IFITM10: variants seen among roughly 807,000 people sequenced by gnomAD.
IFITM10 encodes the protein interferon-induced transmembrane protein 10.
IFITM10 carries 17 observed loss-of-function variants against 19.0 expected under a neutral mutation model. The observed-to-expected ratio is 0.90, with a 90% confidence interval of 0.61 to 1.34. The LOEUF (loss-of-function observed/expected upper bound fraction) is 1.34. IFITM10 is among the 40% of genes most tolerant of loss of function. The pLI, the probability that IFITM10 is intolerant of heterozygous loss-of-function variation, is 0.00. For synonymous variants in IFITM10, 148 were observed against 147.2 expected, an observed-to-expected ratio of 1.01 and a Z score of -0.04; for missense variants, 306 against 319.8, an observed-to-expected ratio of 0.96 and a Z score of 0.33.
At chr11:1,747,635 C>G in intron 2 of IFITM10, 32 bp downstream of exon 2, 1 of 1,541,676 alleles carries the variant, frequency 6.5e-7, no homozygotes, top group Non-Finnish European at 8.8e-7. Context: ...CTCTCTAGCC[C>G]GCCCTTGCCC....
At chr11:1,750,334 CCT>C in intron 1 of IFITM10, 23 bp downstream of exon 1, 5 of 1,550,496 alleles carry the variant, frequency 3.2e-6, no homozygotes, top group Non-Finnish European at 4.4e-6. Context: ...ACGCAGGTTC[CCT>C]GAGCTGGGTC....
chr11:1,749,322 G>C (rs1565016241), intron 1 of IFITM10: 2 of 154,392 alleles, frequency 1.3e-5, no homozygotes, highest in African/African-American at 4.8e-5. Flanking sequence ...CCGCGACCCT[G>C]GGGAGTTGCA....
intron 2 of IFITM10, among the ~76,000 whole-genome samples, chr11:1,741,222 A>G (rs1590896151): frequency 6.6e-6 from 1 of 152,072 alleles, no homozygotes; most frequent in African/African-American, 2.4e-5. Context: ...GAGAGGATGG[A>G]GAGCTGAGCC....
chr11:1,741,587 A>G (rs1436345870), intron 2 of IFITM10, among the ~76,000 whole-genome samples: 1 of 152,070 alleles, frequency 6.6e-6, no homozygotes, highest in Non-Finnish European at 1.5e-5. Context: ...GACTGTGAAT[A>G]TTGATGGATG....
Position 1,746,107 on chromosome 11 carries a change from C to T in IFITM10, c.537+1560G>A, listed in dbSNP as rs556737554. 7.4e-3 allele frequency: 1,138 copies of T among 153,406 alleles called. 12 individuals are homozygous for T. The highest frequency in any genetic ancestry group is 0.011 in the Non-Finnish European group (775 of 69,390). 9.5% of individuals were successfully genotyped at this position (153,406 alleles called of 1,614,324 possible). A position where few individuals can be genotyped will look rare whatever the true frequency, so the allele number is the denominator to read the frequency against. On this transcript the variant is annotated intron_variant, in intron 2 of 2. Transcript: ENST00000340134. ...CACACGTGCACACAGGTACATACAG[C>T]GCACATGCACATACCCTCACACATT...
intron 2 of IFITM10, among the ~76,000 whole-genome samples, chr11:1,743,715 A>AG (rs1460390638): frequency 6.6e-6 from 1 of 151,968 alleles, no homozygotes; most frequent in African/African-American, 2.4e-5. Context: ...GCTGTGTCCT[A>AG]GCCACACCTG....
chr11:1,741,956 G>T (rs534722726), intron 2 of IFITM10, among the ~76,000 whole-genome samples: 14 of 152,314 alleles, frequency 9.2e-5, no homozygotes, highest in African/African-American at 3.1e-4. Context: ...CCAGAAGAGG[G>T]TCCTGATCAG....
intron 2 of IFITM10, chr11:1,746,363 A>G: frequency 2.5e-6 from 1 of 394,394 alleles, no homozygotes; most frequent in Non-Finnish European, 4.5e-6. Context: ...TGCACACACA[A>G]AAATATATGT....
At position 1,733,664 on chromosome 11, in the gene IFITM10, A is replaced by G. The variant is rs1198509751; in HGVS notation, c.*1616T>C. On this transcript the variant is annotated 3_prime_UTR_variant, in exon 3 of 3. Coordinates refer to ENST00000340134, the MANE Select transcript of IFITM10 (RefSeq NM_001170820.4). The surrounding 1 kb of genome is among the most constrained non-coding windows in gnomAD (Gnocchi z 6.3). Reference sequence around the variant, plus strand: ...TTCTCTGCTTGGTATCTTAAAGTCAACATCTTCTTCTCCCTGGTTTCCTGC... The same window carrying G: ...TTCTCTGCTTGGTATCTTAAAGTCAGCATCTTCTTCTCCCTGGTTTCCTGC... 1 of 151,938 alleles carries G rather than the reference A, an allele frequency of 6.6e-6. No homozygotes were observed. The highest frequency in any genetic ancestry group is 1.5e-5 in the Non-Finnish European group (1 of 68,190). 9.4% of individuals were successfully genotyped at this position (151,938 alleles called of 1,614,324 possible). A position where few individuals can be genotyped will look rare whatever the true frequency, so the allele number is the denominator to read the frequency against.
At chr11:1,738,596 T>A (rs190334483) in intron 2 of IFITM10, among the ~76,000 whole-genome samples, 100 of 152,126 alleles carry the variant, frequency 6.6e-4, no homozygotes, top group Non-Finnish European at 4.3e-4. Flanking sequence ...TAAGAGCATG[T>A]TCGGTGGGCA....
Position 1,747,786 on chromosome 11 carries a change from C to A in IFITM10, c.418G>T (p.Val140Phe). The change falls in exon 2 of 3, where the codon GTC (valine) becomes TTC (phenylalanine). Residue 140 changes from valine to phenylalanine, a missense_variant. Val to Phe is a conservative substitution (Grantham distance 50). Coordinates refer to ENST00000340134, the MANE Select transcript of IFITM10 (RefSeq NM_001170820.4). Reference sequence around the variant, plus strand: ...GTGGTGTCCGGGTAGACCTCGATGACGGTCGTGGGGTTGGTCATCGTCTTC... The same window carrying A: ...GTGGTGTCCGGGTAGACCTCGATGAAGGTCGTGGGGTTGGTCATCGTCTTC... Reference protein sequence around the residue: ...EKKTMTNPTTVIEVYPDTTEV... With the variant: ...EKKTMTNPTTFIEVYPDTTEV... The A allele has an allele frequency of 6.4e-7, 1 of 1,551,426 alleles. No homozygotes were observed. The highest frequency in any genetic ancestry group is 8.7e-7 in the Non-Finnish European group (1 of 1,146,720).
intron 2 of IFITM10, among the ~76,000 whole-genome samples, chr11:1,735,679 T>C (rs1342487777): frequency 6.6e-6 from 1 of 152,078 alleles, no homozygotes; most frequent in African/African-American, 2.4e-5. Context: ...ATAAAGTAGG[T>C]GAGATGTATT....
Position 1,747,688 on chromosome 11 carries a change from G to T in IFITM10, c.516C>A (p.Ile172=). 1.3e-6 allele frequency: 2 copies of T among 1,551,746 alleles called. No homozygotes were observed. The highest frequency in any genetic ancestry group is 1.7e-6 in the Non-Finnish European group (2 of 1,146,974). Residue 172 remains isoleucine (I), a synonymous_variant, in exon 2 of 3, where the codon ATC becomes ATA. Coordinates refer to ENST00000340134, the MANE Select transcript of IFITM10 (RefSeq NM_001170820.4). The stretch of plus-strand genomic sequence containing the variant: ...TCACTTTGAGGGAGTAGGCCAAGGC[G>T]ATGAAGCCCAGGCAGCAGAAGTTGA... ...VYLNFCCLGF[I]ALAYSLKVRD...
In IFITM10 at chr11:1,750,434, C is replaced by T. The variant is rs548587448; in HGVS notation, c.9G>A (p.Glu3=). 7 of 1,549,984 alleles carry T rather than the reference C, an allele frequency of 4.5e-6. No homozygotes were observed. The African/African-American group carries it at 8.2e-5, about 18-fold the overall frequency. Residue 3 remains glutamate, a synonymous_variant, in exon 1 of 3, where the codon GAG becomes GAA. Transcript: ENST00000340134. ...GGATGCATGGCGGCCCCCGTTTTCC[C>T]TCCCTCATCTCTCTCCAAGCCCCAT... MR[E]GKRGPPCILS...
intron 2 of IFITM10, 147 bp downstream of exon 2, chr11:1,747,520 C>G (rs1033138333): frequency 1.4e-6 from 1 of 712,242 alleles, no homozygotes. Flanking sequence ...CCCTCACTGT[C>G]CTTTGATCCC....
At position 1,746,579 on chromosome 11, in the gene IFITM10, G is replaced by A. The variant is rs1396218864; in HGVS notation, c.537+1088C>T. 1.5e-5 allele frequency: 6 copies of A among 398,582 alleles called. No homozygotes were observed. The South Asian group carries it at 6.4e-4, about 42-fold the overall frequency. The allele number at this position is 398,582 out of a possible 1,614,324, so 24.7% of individuals were successfully genotyped here. On this transcript the variant is annotated intron_variant, in intron 2 of 2. Coordinates refer to ENST00000340134, the MANE Select transcript of IFITM10 (RefSeq NM_001170820.4). Reference sequence around the variant, plus strand: ...GGGCAACGCCGGGGTTGGCAATCATGATGAGTCAGGAGCAGGAGGGGAACG... The same window carrying A: ...GGGCAACGCCGGGGTTGGCAATCATAATGAGTCAGGAGCAGGAGGGGAACG...
intron 1 of IFITM10, chr11:1,748,346 T>A: frequency 2.4e-6 from 1 of 410,160 alleles, no homozygotes; most frequent in Non-Finnish European, 4.3e-6. Flanking sequence ...TTTCATCACT[T>A]CGCCATCTGC....
intron 2 of IFITM10, among the ~76,000 whole-genome samples, chr11:1,739,045 C>A (rs1167188254): frequency 8.8e-6 from 1 of 113,140 alleles, no homozygotes; most frequent in Non-Finnish European, 1.7e-5. Context: ...CAGAGTGAGA[C>A]TCCGTCTCAA....
rs903440637 is a variant in IFITM10, at chr11:1,737,459, C to T, written c.538-2030G>A. Among the ~76,000 whole-genome samples the T allele has an allele frequency of 5.9e-5, 9 of 152,306 alleles. No individual in the cohort carries two copies. The South Asian group carries it at 6.2e-4, about 11-fold the overall frequency. On this transcript the variant is annotated intron_variant, in intron 2 of 2. Coordinates refer to ENST00000340134, the MANE Select transcript of IFITM10 (RefSeq NM_001170820.4). ...GGATTTCAATCCTGATTCTGCGGGT[C>T]GTAGACTGTACAGCCTTAGGCCAGC...
Sources: gnomAD v4.1 joint callset for allele counts (sites outside exome capture counted in the v4.1 genomes callset) on GRCh38, gnomAD v4.1.1 for gene constraint, Gnocchi (gnomAD v3.1) non-coding constraint, MANE v1.5 for transcripts, NCBI Gene and HGNC (gene_info 2026-07-23, HGNC 2026-07-21) for gene names.